The following KIAA1217 variants were observed in gnomAD, a reference collection of about 807,000 sequenced individuals.
The protein encoded by KIAA1217 is KIAA1217, also known as sickle tail protein homolog.
KIAA1217 carries 88 observed loss-of-function variants against 163.9 expected under a neutral mutation model. That is an observed-to-expected ratio of 0.54 (90% CI 0.45 to 0.64). The LOEUF is 0.64. Ranked by LOEUF, KIAA1217 falls within the 30% of genes least tolerant of loss-of-function variation. KIAA1217 has a pLI of 0.00. For synonymous variants in KIAA1217, 903 were observed against 923.1 expected, an observed-to-expected ratio of 0.98 and a Z score of 0.39; for missense variants, 2,372 against 2,475.0, an observed-to-expected ratio of 0.96 and a Z score of 0.88.
intron 1 of KIAA1217, among the ~76,000 whole-genome samples, chr10:24,002,644 A>G (rs918662618): frequency 2.6e-5 from 4 of 152,114 alleles, no homozygotes; most frequent in African/African-American, 9.7e-5. Flanking sequence ...TATCCTTCAA[A>G]TGCTATTTTT....
chr10:24,120,832 A>G (rs1479870964), intron 2 of KIAA1217, among the ~76,000 whole-genome samples: 1 of 152,216 alleles, frequency 6.6e-6, no homozygotes, highest in African/African-American at 2.4e-5. Context: ...ATGAACCTAT[A>G]TTCCAGTCAT....
chr10:24,313,491 G>A (rs1320617775), intron 2 of KIAA1217, among the ~76,000 whole-genome samples: 6 of 152,148 alleles, frequency 3.9e-5, no homozygotes, highest in Non-Finnish European at 8.8e-5. Context: ...ATGTGACTGC[G>A]GAAATATTAA....
intron 11 of KIAA1217, 43 bp from the exon 12 acceptor site, chr10:24,521,739 T>G (rs746648369): frequency 6.3e-7 from 1 of 1,594,638 alleles, no homozygotes; most frequent in East Asian, 2.2e-5. Flanking sequence ...GTTGTCGTTC[T>G]GGCTTTTTCT....
At chr10:23,803,966 A>G (rs1213885820) in intron 1 of KIAA1217, among the ~76,000 whole-genome samples, 1 of 152,238 alleles carries the variant, frequency 6.6e-6, no homozygotes, top group East Asian at 1.9e-4. Flanking sequence ...ATAATTTTAT[A>G]TAGCTTCATA....
chr10:23,940,103 T>C (rs35929537), intron 1 of KIAA1217, among the ~76,000 whole-genome samples: 30,400 of 151,862 alleles, frequency 0.2, 3,317 homozygotes, highest in Middle Eastern at 0.27. Context: ...TCCACGTGTT[T>C]ATATGCACCT....
At chr10:23,851,158 C>T (rs942944082) in intron 1 of KIAA1217, among the ~76,000 whole-genome samples, 1 of 152,080 alleles carries the variant, frequency 6.6e-6, no homozygotes, top group African/African-American at 2.4e-5. Flanking sequence ...TGCTATCCCT[C>T]CCCCTTCCTC....
At chr10:24,201,433 G>A (rs1321876244) in intron 2 of KIAA1217, among the ~76,000 whole-genome samples, 5 of 152,184 alleles carry the variant, frequency 3.3e-5, no homozygotes, top group African/African-American at 1.2e-4. Context: ...TTTTGCAAAA[G>A]GGAGTGTTTA....
At chr10:24,406,051 T>C (rs1327708323) in intron 3 of KIAA1217, among the ~76,000 whole-genome samples, 2 of 152,206 alleles carry the variant, frequency 1.3e-5, no homozygotes, top group African/African-American at 4.8e-5. Flanking sequence ...CAAAACTGAT[T>C]ACAAAATAGA....
At chr10:24,006,669 G>C (rs1277067480) in intron 1 of KIAA1217, among the ~76,000 whole-genome samples, 1 of 152,038 alleles carries the variant, frequency 6.6e-6, no homozygotes, top group Non-Finnish European at 1.5e-5. Flanking sequence ...CCTTTATGTT[G>C]GGCAATTCAT....
At chr10:23,704,649 T>C (rs746793413) in intron 1 of KIAA1217, among the ~76,000 whole-genome samples, 20 of 152,218 alleles carry the variant, frequency 1.3e-4, no homozygotes, top group Non-Finnish European at 2.8e-4. Context: ...CCTTTCTTTT[T>C]ATTGCCAAAT....
intron 2 of KIAA1217, among the ~76,000 whole-genome samples, chr10:24,122,041 T>C (rs1215272774): frequency 6.6e-6 from 1 of 152,156 alleles, no homozygotes; most frequent in Admixed American, 6.6e-5. Context: ...AGAGGGTACA[T>C]GTGCATGTTT....
At chr10:24,430,769 G>T (rs2059543369) in intron 3 of KIAA1217, among the ~76,000 whole-genome samples, 1 of 152,184 alleles carries the variant, frequency 6.6e-6, no homozygotes, top group African/African-American at 2.4e-5. Flanking sequence ...GATCTGACAG[G>T]AGGTGGAGCT....
At chr10:24,271,330 G>A (rs2076750116) in intron 2 of KIAA1217, among the ~76,000 whole-genome samples, 2 of 151,978 alleles carry the variant, frequency 1.3e-5, no homozygotes, top group South Asian at 4.1e-4. Context: ...CATATATATT[G>A]AAAAAACCTC....
intron 1 of KIAA1217, among the ~76,000 whole-genome samples, chr10:23,854,916 A>G (rs188858789): frequency 0.012 from 1,763 of 152,236 alleles, 36 homozygotes; most frequent in African/African-American, 0.04. Flanking sequence ...GTCTCTGCAC[A>G]TGAGATAGGT....
At chr10:24,000,355 T>G (rs1846682323) in intron 1 of KIAA1217, among the ~76,000 whole-genome samples, 1 of 152,174 alleles carries the variant, frequency 6.6e-6, no homozygotes, top group Non-Finnish European at 1.5e-5. Context: ...CAAGATCTGA[T>G]GTTTTTATAA....
At chr10:24,100,153 G>C (rs1236999974) in intron 2 of KIAA1217, among the ~76,000 whole-genome samples, 2 of 150,920 alleles carry the variant, frequency 1.3e-5, no homozygotes, top group Non-Finnish European at 3.0e-5. Flanking sequence ...TTTTTTGTTT[G>C]TTTTCATCAC....
chr10:24,513,223 C>T (rs2069489952), intron 9 of KIAA1217, 36 bp from the exon 10 acceptor site: 1 of 1,605,518 alleles, frequency 6.2e-7, no homozygotes, highest in South Asian at 1.1e-5. Context: ...TTCAGGCAGG[C>T]AGAGCCCACT....
intron 10 of KIAA1217, among the ~76,000 whole-genome samples, chr10:24,515,053 T>C (rs1034049558): frequency 2.0e-5 from 3 of 151,796 alleles, no homozygotes; most frequent in Non-Finnish European, 2.9e-5. Flanking sequence ...TTATATAAAT[T>C]TTCCAATAAA....
chr10:23,723,741 T>A (rs1175503104), intron 1 of KIAA1217, among the ~76,000 whole-genome samples: 3 of 152,236 alleles, frequency 2.0e-5, no homozygotes, highest in African/African-American at 7.2e-5. Context: ...GAAAGCCTTG[T>A]AGTTGTACAT....
Sources: gnomAD v4.1 joint callset for allele counts (sites outside exome capture counted in the v4.1 genomes callset) on GRCh38, gnomAD v4.1.1 for gene constraint, MANE v1.5 for transcripts, NCBI Gene and HGNC (gene_info 2026-07-23, HGNC 2026-07-21) for gene names.